ADORA2B: variants seen among roughly 807,000 people sequenced by gnomAD.
ADORA2B encodes adenosine receptor A2b.
In ADORA2B, 18 loss-of-function variants were observed where a neutral mutation model predicts 20.8. The ratio of observed to expected loss-of-function variants is 0.87; its 90% CI spans 0.60 to 1.29. ADORA2B has a LOEUF of 1.29. Among genes scored for constraint, ADORA2B ranks in the 50% most tolerant of loss-of-function variants. The pLI, the probability that ADORA2B is intolerant of heterozygous loss-of-function variation, is 0.00. For synonymous variants in ADORA2B, 179 were observed against 178.3 expected, an observed-to-expected ratio of 1.00 and a Z score of -0.03; for missense variants, 441 against 422.7, an observed-to-expected ratio of 1.04 and a Z score of -0.38.
chr17:15,930,658 C>T, the ADORA2B span, among the ~76,000 whole-genome samples: 1 of 152,136 alleles, frequency 6.6e-6, no homozygotes, highest in East Asian at 1.9e-4. Flanking sequence ...TTTGAATTTC[C>T]AAGGGTGATG....
the ADORA2B span, among the ~76,000 whole-genome samples, chr17:15,925,969 TA>T: frequency 4.7e-5 from 7 of 148,052 alleles, no homozygotes; most frequent in South Asian, 2.2e-4. Context: ...GACTCCGTCT[TA>T]AAAAAAAAAC....
the ADORA2B span, among the ~76,000 whole-genome samples, chr17:15,887,951 CAAAAAAAAAAAAAAAAAAA>C: frequency 4.5e-4 from 10 of 22,230 alleles, 1 homozygote; most frequent in South Asian, 2.9e-3. Context: ...AAGACTCCAT[CAAAAAAAAAAAAAAAAAAA>C]AAAAAAAAAA....
the ADORA2B span, among the ~76,000 whole-genome samples, chr17:15,923,827 G>C: frequency 1.3e-5 from 2 of 152,130 alleles, no homozygotes; most frequent in African/African-American, 4.8e-5. Context: ...CTTTGTTTCT[G>C]CTTATGATGA....
the ADORA2B span, among the ~76,000 whole-genome samples, chr17:15,893,406 C>T: frequency 2.0e-5 from 3 of 152,192 alleles, no homozygotes; most frequent in Admixed American, 6.5e-5. Context: ...AAATCTTGTA[C>T]ATAAATTCTA....
chr17:15,972,303 A>T (rs1970198315), intron 1 of ADORA2B, among the ~76,000 whole-genome samples: 1 of 152,212 alleles, frequency 6.6e-6, no homozygotes, highest in Non-Finnish European at 1.5e-5. Flanking sequence ...CTGCAGGTAA[A>T]GCAAACAAAC....
At chr17:15,953,721 G>A (rs947984543) in intron 1 of ADORA2B, among the ~76,000 whole-genome samples, 8 of 152,234 alleles carry the variant, frequency 5.3e-5, no homozygotes, top group African/African-American at 1.7e-4. Context: ...GTCTGCTCCT[G>A]GTTTCTGTGA....
In ADORA2B at chr17:15,974,860, T is replaced by C. The variant is rs1214256034; in HGVS notation, c.517T>C (p.Phe173Leu). The C allele has an allele frequency of 2.5e-6, 4 of 1,614,160 alleles. No homozygotes were observed. The East Asian group carries it at 8.9e-5, about 36-fold the overall frequency. ...AAGCTGCTGCCTTGTGAAGTGTCTC[T>C]TTGAGAATGTGGTCCCCATGAGCTA... is the stretch of plus-strand genomic sequence containing the variant. ...NESCCLVKCL[F>L]ENVVPMSYMV... Residue 173 changes from phenylalanine to leucine, a missense_variant, in exon 2 of 2, where the codon TTT (phenylalanine) becomes CTT (leucine). Phe to Leu is a conservative substitution (Grantham distance 22). Coordinates refer to ENST00000304222, the MANE Select transcript of ADORA2B (RefSeq NM_000676.4).
At chr17:15,891,421 A>G in the ADORA2B span, among the ~76,000 whole-genome samples, 5 of 152,220 alleles carry the variant, frequency 3.3e-5, no homozygotes, top group Admixed American at 2.6e-4. Context: ...TTTGCTTTGT[A>G]TTCTCTCTCA....
At chr17:15,868,617 C>CAAA in the ADORA2B span, among the ~76,000 whole-genome samples, 1 of 101,510 alleles carries the variant, frequency 9.9e-6, no homozygotes, top group Non-Finnish European at 2.0e-5. Context: ...ACTAAAAATA[C>CAAA]AAAAAAAAAA....
the ADORA2B span, among the ~76,000 whole-genome samples, chr17:15,903,004 T>G: frequency 6.6e-6 from 1 of 152,218 alleles, no homozygotes; most frequent in Non-Finnish European, 1.5e-5. Flanking sequence ...TTATAATAAC[T>G]CATTAAATTA....
At chr17:15,900,804 G>A in the ADORA2B span, among the ~76,000 whole-genome samples, 2 of 152,162 alleles carry the variant, frequency 1.3e-5, no homozygotes, top group South Asian at 4.1e-4. Flanking sequence ...ATCTTTAAAA[G>A]TGAAGTTCTG....
At chr17:15,876,424 T>C in the ADORA2B span, among the ~76,000 whole-genome samples, 2 of 142,698 alleles carry the variant, frequency 1.4e-5, no homozygotes, top group Admixed American at 7.0e-5. Flanking sequence ...CTTTTTTTTT[T>C]CTTTCTTTCT....
chr17:15,939,588 G>A, the ADORA2B span, among the ~76,000 whole-genome samples: 1 of 152,150 alleles, frequency 6.6e-6, no homozygotes, highest in South Asian at 2.1e-4. Context: ...GGCCAGGTGT[G>A]CTGGCTCACG....
At chr17:15,949,163 A>T (rs1304428986) in intron 1 of ADORA2B, among the ~76,000 whole-genome samples, 1 of 149,118 alleles carries the variant, frequency 6.7e-6, no homozygotes. Context: ...AGCCAAGATC[A>T]CGCCATTGCA....
chr17:15,917,464 CG>C, the ADORA2B span, among the ~76,000 whole-genome samples: 3 of 152,208 alleles, frequency 2.0e-5, no homozygotes, highest in Non-Finnish European at 4.4e-5. Context: ...GGGCTGCGGC[CG>C]CCCATCCTGG....
chr17:15,861,107 C>T, the ADORA2B span: 1 of 152,234 alleles, frequency 6.6e-6, no homozygotes, highest in African/African-American at 2.4e-5. Context: ...TCGACAAATA[C>T]TTGCTGCATG....
chr17:15,940,828 A>G (rs774764698), upstream of ADORA2B, among the ~76,000 whole-genome samples: 3 of 152,218 alleles, frequency 2.0e-5, no homozygotes, highest in Non-Finnish European at 4.4e-5. Context: ...CCTCATGATA[A>G]ACGGTAGGGA....
the ADORA2B span, among the ~76,000 whole-genome samples, chr17:15,884,389 T>G: frequency 1.5e-5 from 2 of 134,298 alleles, no homozygotes; most frequent in Non-Finnish European, 3.2e-5. Flanking sequence ...ATTTTAAAAT[T>G]TATTAAATTT....
the ADORA2B span, among the ~76,000 whole-genome samples, chr17:15,899,893 G>A: frequency 6.6e-6 from 1 of 151,418 alleles, no homozygotes; most frequent in African/African-American, 2.4e-5. Flanking sequence ...GTGCAGTGGC[G>A]TGATTCTAGC....
Sources: gnomAD v4.1 joint callset for allele counts (sites outside exome capture counted in the v4.1 genomes callset) on GRCh38, gnomAD v4.1.1 for gene constraint, MANE v1.5 for transcripts, NCBI Gene and HGNC (gene_info 2026-07-23, HGNC 2026-07-21) for gene names.